The following TPST2 variants were observed in gnomAD, a reference collection of about 807,000 sequenced individuals.
The protein encoded by TPST2 is protein-tyrosine sulfotransferase 2.
TPST2 carries 16 observed loss-of-function variants against 27.8 expected under a neutral mutation model. The observed-to-expected ratio is 0.58, with a 90% CI of 0.39 to 0.88. TPST2 has a LOEUF of 0.88. Among genes scored for constraint, TPST2 ranks in the 40% least tolerant of loss-of-function variants. The pLI, the probability that TPST2 is intolerant of heterozygous loss-of-function variation, is 0.00. For missense variants in TPST2, 464 were observed against 543.1 expected (o/e 0.85, Z 1.45); for synonymous variants, 229 against 231.7 (o/e 0.99, Z 0.10).
At chr22:26,582,912 C>T (rs982018201) in intron 1 of TPST2, among the ~76,000 whole-genome samples, 1 of 151,918 alleles carries the variant, frequency 6.6e-6, no homozygotes, top group African/African-American at 2.4e-5. Flanking sequence ...GGGGCCTGTA[C>T]CAGGTAAGGT....
At chr22:26,545,847 A>G (rs1170356446) in intron 1 of TPST2, among the ~76,000 whole-genome samples, 4 of 152,202 alleles carry the variant, frequency 2.6e-5, no homozygotes, top group African/African-American at 9.6e-5. Context: ...TGGGAGGCAG[A>G]GGCAGGAGGA....
At chr22:26,543,084 C>G (rs547999835) in intron 2 of TPST2, 24 of 152,318 alleles carry the variant, frequency 1.6e-4, no homozygotes, top group Non-Finnish European at 3.1e-4. Context: ...TCTTCAGCTG[C>G]AAAATCAGGG....
chr22:26,528,190 C>A (rs367962912), intron 6 of TPST2, 24 bp downstream of exon 6: 301 of 1,556,046 alleles, frequency 1.9e-4, no homozygotes, highest in Admixed American at 6.8e-4. Flanking sequence ...CAGCGGGAAC[C>A]CCCAGTGAAG....
intron 1 of TPST2, among the ~76,000 whole-genome samples, chr22:26,572,620 T>C (rs2147232733): frequency 6.6e-6 from 1 of 152,256 alleles, no homozygotes; most frequent in East Asian, 1.9e-4. Context: ...AAGCCTTCCC[T>C]GAATACCCCG....
intron 1 of TPST2, among the ~76,000 whole-genome samples, chr22:26,569,929 G>A (rs1927535428): frequency 6.9e-6 from 1 of 144,228 alleles, no homozygotes. Flanking sequence ...TCCAGCCTGG[G>A]TGTCAGAGCA....
intron 1 of TPST2, among the ~76,000 whole-genome samples, chr22:26,556,006 G>A (rs1197272184): frequency 6.6e-6 from 1 of 152,188 alleles, no homozygotes; most frequent in Admixed American, 6.5e-5. Flanking sequence ...ACCATCTGGT[G>A]AAATCTATGG....
rs140247768 is a variant in TPST2 at position 26,554,772 on chromosome 22, T to C, written c.-160-10097A>G. Among the ~76,000 whole-genome samples the C allele has an allele frequency of 3.4e-3, 521 of 152,298 alleles. 16 individuals carry two copies. In the East Asian group the frequency reaches 0.066, roughly 19 times the overall value. ...GGCCAACATGGTGAAACCCCGTCTC[T>C]GCCAAAAATACAGAAATTAGCCAGG... is the stretch of plus-strand genomic sequence containing the variant. On this transcript the variant is annotated intron_variant, in intron 1 of 6. Transcript: ENST00000338754.
intron 1 of TPST2, among the ~76,000 whole-genome samples, chr22:26,583,308 G>C (rs1928192351): frequency 6.7e-6 from 1 of 150,058 alleles, no homozygotes; most frequent in Non-Finnish European, 1.5e-5. Flanking sequence ...ATGGTAGTAG[G>C]CACCTGTAAT....
At chr22:26,584,643 C>T (rs969132722) in intron 1 of TPST2, among the ~76,000 whole-genome samples, 1 of 151,576 alleles carries the variant, frequency 6.6e-6, no homozygotes, top group Admixed American at 6.6e-5. Context: ...CCAGCCTAGG[C>T]AACAGAGCAA....
At chr22:26,586,533 A>T (rs1489063295) in intron 1 of TPST2, among the ~76,000 whole-genome samples, 1 of 152,176 alleles carries the variant, frequency 6.6e-6, no homozygotes, top group African/African-American at 2.4e-5. Flanking sequence ...TACAAGCATG[A>T]GCCATGCACC....
At chr22:26,528,998 A>G (rs1924995790) in intron 5 of TPST2, among the ~76,000 whole-genome samples, 3 of 118,348 alleles carry the variant, frequency 2.5e-5, no homozygotes, top group Non-Finnish European at 3.8e-5. Context: ...ACAAAAACAA[A>G]AACAAAAAAA....
chr22:26,575,396 T>C (rs955453608), intron 1 of TPST2, among the ~76,000 whole-genome samples: 7 of 152,176 alleles, frequency 4.6e-5, no homozygotes, highest in South Asian at 2.1e-4. Context: ...ACAGTAATCA[T>C]CACACTTACC....
chr22:26,531,660 A>G (rs1359362653), intron 5 of TPST2, among the ~76,000 whole-genome samples: 1 of 152,178 alleles, frequency 6.6e-6, no homozygotes, highest in Non-Finnish European at 1.5e-5. Flanking sequence ...TCTGGATACC[A>G]ACTGGGTGTT....
At chr22:26,551,747 C>T (rs1317950572) in intron 1 of TPST2, among the ~76,000 whole-genome samples, 1 of 152,092 alleles carries the variant, frequency 6.6e-6, no homozygotes, top group Non-Finnish European at 1.5e-5. Context: ...GCTCTCTGAG[C>T]CTCAGTGTTC....
chr22:26,556,904 G>C (rs921012966), intron 1 of TPST2, among the ~76,000 whole-genome samples: 1 of 152,190 alleles, frequency 6.6e-6, no homozygotes, highest in African/African-American at 2.4e-5. Context: ...AGCATGGTTT[G>C]CATGTTCTGA....
chr22:26,561,173 C>A, intron 1 of TPST2: 2 of 1,580,952 alleles, frequency 1.3e-6, no homozygotes. Flanking sequence ...TTGGTTCTAG[C>A]GCAGTTTTTT....
intron 1 of TPST2, among the ~76,000 whole-genome samples, chr22:26,554,102 G>C (rs764821409): frequency 1.3e-5 from 2 of 152,194 alleles, no homozygotes; most frequent in Non-Finnish European, 2.9e-5. Flanking sequence ...GAGAGGTGAA[G>C]TGCTTTGTTG....
At chr22:26,581,323 T>G (rs74511026) in intron 1 of TPST2, among the ~76,000 whole-genome samples, 2,232 of 152,254 alleles carry the variant, frequency 0.015, 23 homozygotes, top group Non-Finnish European at 0.022. Flanking sequence ...GCCAACCCCA[T>G]GGAATGTGCA....
At chr22:26,564,792 C>T (rs1427104268) in intron 1 of TPST2, among the ~76,000 whole-genome samples, 3 of 152,252 alleles carry the variant, frequency 2.0e-5, no homozygotes, top group African/African-American at 7.2e-5. Context: ...CAGTGCTCTG[C>T]CCTTGATCGA....
Sources: gnomAD v4.1 joint callset for allele counts (sites outside exome capture counted in the v4.1 genomes callset) on GRCh38, gnomAD v4.1.1 for gene constraint, MANE v1.5 for transcripts, NCBI Gene and HGNC (gene_info 2026-07-23, HGNC 2026-07-21) for gene names.